The following ULK2 variants were observed in gnomAD, a reference collection of about 807,000 sequenced individuals.
The protein encoded by ULK2 is unc-51 like autophagy activating kinase 2, also known as serine/threonine-protein kinase ULK2.
In ULK2, 76 loss-of-function variants were observed where a neutral mutation model predicts 127.5. The ratio of observed to expected loss-of-function variants is 0.60; its 90% CI spans 0.50 to 0.72. ULK2 has a LOEUF of 0.72. ULK2 is among the 30% of genes least tolerant of loss of function. The pLI is 0.00. For synonymous variants in ULK2, 452 were observed against 461.9 expected, an observed-to-expected ratio of 0.98 and a Z score of 0.28; for missense variants, 1,144 against 1,295.9, an observed-to-expected ratio of 0.88 and a Z score of 1.80.
chr17:19,863,010 T>A (rs2042274615), intron 3 of ULK2, among the ~76,000 whole-genome samples: 1 of 152,188 alleles, frequency 6.6e-6, no homozygotes, highest in Non-Finnish European at 1.5e-5. Flanking sequence ...GGTCAGGAGT[T>A]CGAGACCAGC....
rs186466090 is a variant in ULK2, at chr17:19,787,235, C to T, written c.2102-1149G>A. On this transcript the variant is annotated intron_variant, in intron 20 of 26. Transcript: ENST00000395544. ...ATCTCTTGACCTTGTGATCCGCCCG[C>T]CTTGGCCTCTCAAACTGCTGGGATT... Among the ~76,000 whole-genome samples the T allele has an allele frequency of 6.8e-4, 104 of 152,294 alleles. No homozygotes were observed. The Middle Eastern group carries it at 0.01, about 15-fold the overall frequency.
rs952922438 is a variant in ULK2 at position 19,774,589 on chromosome 17, G to A, written c.*1760C>T. 1 of 152,310 alleles carries A rather than the reference G, an allele frequency of 6.6e-6. No homozygotes were observed. The highest frequency in any genetic ancestry group is 6.5e-5 in the Admixed American group (1 of 15,300). 9.4% of individuals were successfully genotyped at this position (152,310 alleles called of 1,614,324 possible). ...ATCACTAATAACAAATAGGGTTGTGGAGGTAAAACAGTCTATGTTCCTGGA... is the reference window on the plus strand; with the variant it reads ...ATCACTAATAACAAATAGGGTTGTGAAGGTAAAACAGTCTATGTTCCTGGA... On this transcript the variant is annotated 3_prime_UTR_variant, in exon 27 of 27. Transcript: ENST00000395544.
chr17:19,821,769 GTC>G (rs976223501), intron 12 of ULK2, among the ~76,000 whole-genome samples: 15 of 152,056 alleles, frequency 9.9e-5, no homozygotes, highest in African/African-American at 3.6e-4. Flanking sequence ...TTGAGACAGG[GTC>G]TCTCTGTATC....
At chr17:19,779,192 A>G (rs1267031675) in intron 25 of ULK2, among the ~76,000 whole-genome samples, 6 of 152,224 alleles carry the variant, frequency 3.9e-5, no homozygotes, top group Admixed American at 3.9e-4. Context: ...CACAGTAGAC[A>G]AATAGAAAAT....
intron 13 of ULK2, among the ~76,000 whole-genome samples, chr17:19,815,560 C>A: frequency 6.6e-6 from 1 of 152,272 alleles, no homozygotes; most frequent in South Asian, 2.1e-4. Context: ...GGATTACAGG[C>A]GTAAGCCACT....
At chr17:19,802,575 T>C (rs906321423) in intron 15 of ULK2, among the ~76,000 whole-genome samples, 10 of 152,234 alleles carry the variant, frequency 6.6e-5, no homozygotes, top group Non-Finnish European at 4.4e-5. Flanking sequence ...ATTCAATCTG[T>C]TGTAAGATAC....
intron 12 of ULK2, among the ~76,000 whole-genome samples, chr17:19,822,727 C>T (rs935415684): frequency 5.3e-5 from 8 of 151,884 alleles, no homozygotes; most frequent in African/African-American, 1.7e-4. Context: ...CGCTCTGTCG[C>T]TCAGGCTGGA....
Position 19,867,376 on chromosome 17 carries a change from G to A in ULK2, c.42C>T (p.Leu14=), listed in dbSNP as rs780875058. ...CCACGGCGAAGGCCCCGTGTCCCACGAGATCCCTCTTGCTGTACTCGAAGT... is the reference window on the plus strand; with the variant it reads ...CCACGGCGAAGGCCCCGTGTCCCACAAGATCCCTCTTGCTGTACTCGAAGT... ...VGDFEYSKRD[L]VGHGAFAVVF... Residue 14 remains leucine (L), a synonymous_variant, in exon 1 of 27, where the codon CTC becomes CTT. Transcript: ENST00000395544. 2.9e-5 allele frequency: 47 copies of A among 1,603,508 alleles called. No individual in the cohort carries two copies. The highest frequency in any genetic ancestry group is 3.6e-5 in the Non-Finnish European group (42 of 1,176,192).
intron 3 of ULK2, among the ~76,000 whole-genome samples, chr17:19,852,626 A>G (rs971053372): frequency 2.0e-5 from 3 of 151,536 alleles, no homozygotes; most frequent in African/African-American, 7.3e-5. Flanking sequence ...AAAAAACAAT[A>G]AAGTAAATTT....
intron 20 of ULK2, among the ~76,000 whole-genome samples, chr17:19,790,419 A>G (rs975921175): frequency 6.6e-6 from 1 of 152,200 alleles, no homozygotes; most frequent in Admixed American, 6.5e-5. Flanking sequence ...CTCCATCTCA[A>G]AAATAAAAAA....
intron 12 of ULK2, among the ~76,000 whole-genome samples, 169 bp downstream of exon 12, chr17:19,824,925 C>A (rs144907003): frequency 3.3e-5 from 5 of 152,270 alleles, no homozygotes; most frequent in African/African-American, 1.2e-4. Flanking sequence ...GGACAGAGGC[C>A]CGAATGCAGG....
chr17:19,854,582 T>C (rs1026823737), intron 3 of ULK2, among the ~76,000 whole-genome samples: 2 of 152,082 alleles, frequency 1.3e-5, no homozygotes, highest in South Asian at 2.1e-4. Context: ...GGATAGCTGG[T>C]TGGGCTTTCT....
rs576341325 is a variant in ULK2 at position 19,791,513 on chromosome 17, C to T, written c.2101+4109G>A. On this transcript the variant is annotated intron_variant, in intron 20 of 26. Transcript: ENST00000395544. ...CAGCCTGGCCAACATGGTGAAACCC[C>T]GTCTCTACTAAAAATACAAAAATTA... Among the ~76,000 whole-genome samples, 33 of 152,132 alleles carry T rather than the reference C, an allele frequency of 2.2e-4. No homozygotes were observed. The South Asian group carries it at 6.7e-3, about 31-fold the overall frequency.
intron 16 of ULK2, among the ~76,000 whole-genome samples, chr17:19,800,518 C>T (rs1387657224): frequency 6.6e-6 from 1 of 152,062 alleles, no homozygotes; most frequent in African/African-American, 2.4e-5. Context: ...TGAGAAAGGG[C>T]CAAAATTTTA....
At chr17:19,818,255 G>A (rs555982922) in intron 12 of ULK2, among the ~76,000 whole-genome samples, 3 of 151,628 alleles carry the variant, frequency 2.0e-5, no homozygotes, top group Non-Finnish European at 2.9e-5. Flanking sequence ...CCCGGTAGGC[G>A]GAGCTTGCAG....
chr17:19,830,447 C>T (rs2041409241), intron 10 of ULK2, among the ~76,000 whole-genome samples: 1 of 152,072 alleles, frequency 6.6e-6, no homozygotes, highest in Non-Finnish European at 1.5e-5. Context: ...TGCAGTCTTC[C>T]TTCCTCAGCC....
rs11456096 is a variant in ULK2, at chr17:19,799,579, C to CAAAA, written c.1442-8_1442-5dup. ...AATTGCTCAGGAATGGTACCAACTA[C>CAAAA]AAAAAAAAAAAAAAAAAAGATGGGG... is the stretch of plus-strand genomic sequence containing the variant. On this transcript the variant is annotated splice_region_variant and splice_polypyrimidine_tract_variant and intron_variant, in intron 16 of 26. Transcript: ENST00000395544. The CAAAA allele has an allele frequency of 6.6e-4, 790 of 1,192,932 alleles. No individual in the cohort carries two copies. Among genetic ancestry groups the CAAAA allele is most frequent in the South Asian group, 2.6e-3 (115 of 43,654 alleles). 73.9% of individuals were successfully genotyped at this position (1,192,932 alleles called of 1,614,324 possible).
intron 3 of ULK2, among the ~76,000 whole-genome samples, chr17:19,854,314 G>C (rs1307148630): frequency 6.7e-6 from 1 of 150,240 alleles, no homozygotes; most frequent in African/African-American, 2.4e-5. Context: ...GGCATTTCTA[G>C]CTTCCTGATC....
chr17:19,848,603 C>G (rs2041948107), intron 5 of ULK2, among the ~76,000 whole-genome samples: 1 of 152,064 alleles, frequency 6.6e-6, no homozygotes. Context: ...ATGGTGAAAC[C>G]CTGTCTCTAC....
Sources: allele counts gnomAD v4.1 joint callset (sites outside exome capture counted in the v4.1 genomes callset), GRCh38; gene constraint gnomAD v4.1.1; transcripts MANE v1.5; gene names NCBI Gene and HGNC (gene_info 2026-07-23, HGNC 2026-07-21).